Variants in ASPA observed in about 807,000 individuals in gnomAD.
ASPA encodes ACY-2.
In ASPA, 25 loss-of-function variants were observed where a neutral mutation model predicts 29.6. The ratio of observed to expected loss-of-function variants is 0.85; its 90% CI spans 0.62 to 1.18. The LOEUF is 1.18. Ranked by LOEUF, ASPA falls within the 50% of genes most tolerant of loss-of-function variation. The pLI is 0.00. For missense variants in ASPA, 333 were observed against 385.7 expected (o/e 0.86, Z 1.14); for synonymous variants, 131 against 130.3 (o/e 1.01, Z -0.04).
intron 3 of ASPA, among the ~76,000 whole-genome samples, chr17:3,486,306 TC>T (rs1165698766): frequency 1.4e-4 from 21 of 152,232 alleles, no homozygotes; most frequent in Admixed American, 1.2e-3. Flanking sequence ...ATTCCTAACT[TC>T]CAAGGCTGTT....
Position 3,482,215 on chromosome 17 carries a change from A to G in ASPA, c.432+417A>G, listed in dbSNP as rs2150747294. Among the ~76,000 whole-genome samples the G allele has an allele frequency of 1.3e-5, 2 of 152,334 alleles. 1 individual carries two copies. Among genetic ancestry groups the G allele is most frequent in the East Asian group, 3.9e-4 (2 of 5,184 alleles). On this transcript the variant is annotated intron_variant, in intron 2 of 5. Coordinates refer to ENST00000263080, the MANE Select transcript of ASPA (RefSeq NM_000049.4). ...CTTTAAATGGTATGGGATCTCAATT[A>G]CAAGGTTTTAGGAAACTTAAGAAAT...
At chr17:3,482,838 G>C (rs1033745038) in intron 2 of ASPA, among the ~76,000 whole-genome samples, 1 of 149,570 alleles carries the variant, frequency 6.7e-6, no homozygotes, top group Non-Finnish European at 1.5e-5. Flanking sequence ...TGTGCACCAT[G>C]TGCAGGTTTG....
Position 3,499,340 on chromosome 17 carries a change from C to G in ASPA, c.*252C>G. On this transcript the variant is annotated 3_prime_UTR_variant, in exon 6 of 6. Coordinates refer to ENST00000263080, the MANE Select transcript of ASPA (RefSeq NM_000049.4). ...TTTATTATACATGATACTTGGGTAG[C>G]TCAACATTCTTAATAAACAGCCTTT... is the stretch of plus-strand genomic sequence containing the variant. 3.2e-6 allele frequency: 1 copy of G among 311,224 alleles called. No homozygotes were observed. The highest frequency in any genetic ancestry group is 5.8e-6 in the Non-Finnish European group (1 of 172,810). The allele number at this position is 311,224 out of a possible 1,614,324, so 19.3% of individuals were successfully genotyped here. A position where few individuals can be genotyped will look rare whatever the true frequency, so the allele number is the denominator to read the frequency against.
At chr17:3,495,090 A>AG (rs2073887396) in intron 5 of ASPA, among the ~76,000 whole-genome samples, 1 of 152,098 alleles carries the variant, frequency 6.6e-6, no homozygotes, top group Non-Finnish European at 1.5e-5. Flanking sequence ...ATAGTGAAGA[A>AG]GGAAAAAAAA....
At position 3,491,105 on chromosome 17, in the gene ASPA, G is replaced by A. The variant is rs534198268; in HGVS notation, c.634+1763G>A. 4.6e-5 allele frequency among the ~76,000 whole-genome samples: 7 copies of A among 152,328 alleles called. No homozygotes were observed. The South Asian group carries it at 1.5e-3, about 32-fold the overall frequency. ...TCTGTCCTACTCAGAACTGTAGTTA[G>A]TGACTTGGATAAAGACATATGCGAC... On this transcript the variant is annotated intron_variant, in intron 4 of 5. Transcript: ENST00000263080.
chr17:3,476,821 A>G (rs533956423), intron 1 of ASPA, among the ~76,000 whole-genome samples: 1 of 152,354 alleles, frequency 6.6e-6, no homozygotes, highest in East Asian at 1.9e-4. Flanking sequence ...GGTAATGCAT[A>G]AAGTTCTAGT....
rs2073805252 is a variant in ASPA, at chr17:3,490,457, GTTGA to G, written c.634+1116_634+1119del. 6.6e-6 allele frequency among the ~76,000 whole-genome samples: 1 copy of G among 152,190 alleles called. No homozygotes were observed. Among genetic ancestry groups the G allele is most frequent in the Admixed American group, 6.5e-5 (1 of 15,278 alleles). Reference sequence around the variant, plus strand: ...TCCAACAGACTGAGTTGAAATTGTTGTTGAGGAATGGGCAATTATAATAACAGAG... The same window carrying G: ...TCCAACAGACTGAGTTGAAATTGTTGGGAATGGGCAATTATAATAACAGAG... On this transcript the variant is annotated intron_variant, in intron 4 of 5. Transcript: ENST00000263080. This position sits in a 1 kb window ranked among gnomAD's most constrained non-coding sequence, Gnocchi z 4.6.
intron 1 of ASPA, among the ~76,000 whole-genome samples, chr17:3,476,875 G>A (rs2073532051): frequency 1.3e-5 from 2 of 152,212 alleles, no homozygotes; most frequent in South Asian, 2.1e-4. Context: ...GAATGAAAGC[G>A]TGATTAAATA....
At chr17:3,480,991 G>A (rs916369529) in intron 1 of ASPA, among the ~76,000 whole-genome samples, 3 of 151,980 alleles carry the variant, frequency 2.0e-5, no homozygotes, top group Admixed American at 6.6e-5. Context: ...ATGGTGGCAC[G>A]CACCTGTAGT....
At chr17:3,481,940 G>A (rs559247127) in intron 2 of ASPA, 142 bp downstream of exon 2, 1 of 765,478 alleles carries the variant, frequency 1.3e-6, no homozygotes, top group African/African-American at 1.7e-5. Flanking sequence ...TTGGTGGTTG[G>A]GGGGAAAGGG....
intron 4 of ASPA, among the ~76,000 whole-genome samples, chr17:3,493,581 AAAG>A (rs2073861159): frequency 2.0e-5 from 3 of 151,218 alleles, no homozygotes; most frequent in Admixed American, 2.0e-4. Context: ...AAAAAAAAAA[AAAG>A]GAAAGAAAAA....
rs1248074285 is a variant in ASPA, at chr17:3,502,107, C to T, written c.*3019C>T. ...AGAAATTGTCACGGCCATCCCAACC[C>T]TCAGTGCCCAACCACCCTGATCAGG... On this transcript the variant is annotated 3_prime_UTR_variant, in exon 6 of 6. Transcript: ENST00000263080. 1.3e-5 allele frequency: 2 copies of T among 152,242 alleles called. No individual in the cohort carries two copies. Among genetic ancestry groups the T allele is most frequent in the Non-Finnish European group, 2.9e-5 (2 of 68,052 alleles). 9.4% of individuals were successfully genotyped at this position (152,242 alleles called of 1,614,324 possible). A position where few individuals can be genotyped will look rare whatever the true frequency, so the allele number is the denominator to read the frequency against.
Position 3,499,065 on chromosome 17 carries a change from A to C in ASPA, c.919A>C (p.Ser307Arg), listed in dbSNP as rs2073958810. The C allele has an allele frequency of 1.9e-6, 3 of 1,614,018 alleles. No homozygotes were observed. Among genetic ancestry groups the C allele is most frequent in the African/African-American group, 1.3e-5 (1 of 74,940 alleles). ...KTTKLTLNAKSIRCCLH is the reference protein window; with the variant it reads ...KTTKLTLNAKRIRCCLH The stretch of plus-strand genomic sequence containing the variant: ...AACTAAACTAACGCTCAATGCAAAA[A>C]GTATTCGCTGCTGTTTACATTAGAA... The change falls in exon 6 of 6, where the codon AGT (serine) becomes CGT (arginine). Residue 307 changes from serine to arginine, a missense_variant. Transcript: ENST00000263080.
intron 5 of ASPA, among the ~76,000 whole-genome samples, chr17:3,497,605 T>C (rs959887855): frequency 1.6e-4 from 24 of 152,216 alleles, no homozygotes; most frequent in Middle Eastern, 3.2e-3. Flanking sequence ...CCAGCCCCTC[T>C]ACCTGTATAT....
At chr17:3,484,236 A>G (rs1415161078) in intron 3 of ASPA, among the ~76,000 whole-genome samples, 2 of 152,188 alleles carry the variant, frequency 1.3e-5, no homozygotes, top group East Asian at 3.8e-4. Flanking sequence ...TACTCCAGAA[A>G]TGTGTACATT....
chr17:3,487,058 TTATG>T lies in ASPA; in HGVS notation c.527-2175_527-2172del, dbSNP rs199549158. Among the ~76,000 whole-genome samples, 894 of 137,362 alleles carry T rather than the reference TTATG, an allele frequency of 6.5e-3. 9 individuals are homozygous for T. Among genetic ancestry groups the T allele is most frequent in the African/African-American group, 0.023 (843 of 36,350 alleles). The allele number at this position is 137,362 out of a possible 152,430, so 90.1% of individuals were successfully genotyped here. On this transcript the variant is annotated intron_variant, in intron 3 of 5. Transcript: ENST00000263080. ...CCCATATTTGTGTGTGTGTGTGTGT[TTATG>T]TGTGTGTGTGCGTGTGTGTGTGTGA... is the stretch of plus-strand genomic sequence containing the variant.
chr17:3,489,238 T>TAG lies in ASPA; in HGVS notation c.532_533dup (p.Val179LysfsTer10), dbSNP rs2073779014. ...CTATCTCTCCTTCTGTACCTAGGTA[T>TAG]AGAAGTTGGTCCTCAGCCTCAAGGG... On this transcript the variant is annotated frameshift_variant, in exon 4 of 6. Coordinates refer to ENST00000263080, the MANE Select transcript of ASPA (RefSeq NM_000049.4). LOFTEE classifies it high-confidence loss of function. The TAG allele has an allele frequency of 1.9e-6, 3 of 1,586,474 alleles. No homozygotes were observed. The highest frequency in any genetic ancestry group is 2.6e-6 in the Non-Finnish European group (3 of 1,155,958).
chr17:3,497,821 T>A lies in ASPA; in HGVS notation c.745-1070T>A, dbSNP rs749816154. ...GTGATGCGGATGCTGCTGGGAAATG[T>A]TAGACATGCAGAATCCCAGGCCCCC... On this transcript the variant is annotated intron_variant, in intron 5 of 5. Transcript: ENST00000263080. Among the ~76,000 whole-genome samples, 81 of 152,152 alleles carry A rather than the reference T, an allele frequency of 5.3e-4. 1 individual carries two copies. Among genetic ancestry groups the A allele is most frequent in the Non-Finnish European group, 1.0e-3 (70 of 68,026 alleles).
chr17:3,496,969 GGC>G (rs1378271392), intron 5 of ASPA, among the ~76,000 whole-genome samples: 3 of 152,214 alleles, frequency 2.0e-5, no homozygotes, highest in Admixed American at 6.5e-5. Context: ...GGGAGCCTGA[GGC>G]AGGAAAATTG....
Sources: allele counts gnomAD v4.1 joint callset (sites outside exome capture counted in the v4.1 genomes callset), GRCh38; gene constraint gnomAD v4.1.1; non-coding constraint Gnocchi (gnomAD v3.1); transcripts MANE v1.5; gene names NCBI Gene and HGNC (gene_info 2026-07-23, HGNC 2026-07-21).